ANKFN1: variants seen among roughly 807,000 people sequenced by gnomAD.
ANKFN1 encodes ankyrin repeat and fibronectin type III domain containing 1, also known as ankyrin repeat and fibronectin type-III domain-containing protein 1.
ANKFN1 carries 74 observed loss-of-function variants against 108.7 expected under a neutral mutation model. That is an observed-to-expected ratio of 0.68 (90% confidence interval 0.56 to 0.83). The LOEUF is 0.83. Ranked by LOEUF, ANKFN1 falls within the 40% of genes least tolerant of loss-of-function variation. The pLI is 0.00. For missense variants in ANKFN1, 1,505 were observed against 1,382.3 expected (o/e 1.09, Z -1.41); for synonymous variants, 547 against 516.2 (o/e 1.06, Z -0.81).
chr17:56,290,399 T>C (rs1567889420), intron 3 of ANKFN1, among the ~76,000 whole-genome samples: 1 of 152,308 alleles, frequency 6.6e-6, no homozygotes, highest in East Asian at 1.9e-4. Context: ...TACAAGAAAA[T>C]AGAATTGTAA....
chr17:56,318,589 G>GT (rs2045274805), intron 3 of ANKFN1, among the ~76,000 whole-genome samples: 1 of 152,174 alleles, frequency 6.6e-6, no homozygotes, highest in Non-Finnish European at 1.5e-5. Context: ...AAGTTAGGCT[G>GT]TGCTGAGAGT....
At chr17:56,443,818 T>C (rs1008693563) in intron 10 of ANKFN1, among the ~76,000 whole-genome samples, 1 of 152,226 alleles carries the variant, frequency 6.6e-6, no homozygotes, top group Non-Finnish European at 1.5e-5. Flanking sequence ...GATTTTTCTA[T>C]GTAATGAGCC....
intron 3 of ANKFN1, among the ~76,000 whole-genome samples, chr17:56,265,912 C>A (rs2043636570): frequency 2.0e-5 from 3 of 152,018 alleles, no homozygotes; most frequent in Admixed American, 2.0e-4. Context: ...AGATGCAGAA[C>A]CTGTAGATAT....
At chr17:56,449,270 C>T (rs879806714) in intron 11 of ANKFN1, 84 bp downstream of exon 11, 2 of 936,380 alleles carry the variant, frequency 2.1e-6, no homozygotes, top group East Asian at 2.5e-5. Context: ...TGGGTCATAC[C>T]TTCTCATTCA....
chr17:56,227,806 G>A (rs942211271), intron 2 of ANKFN1, 111 bp from the exon 3 acceptor site: 12 of 827,486 alleles, frequency 1.5e-5, no homozygotes, highest in Non-Finnish European at 2.3e-5. Context: ...TGTAGGCTAG[G>A]CTTCTCTCTC....
chr17:56,062,080 AGTGTGGCCTGAGAGACT>A (rs1904984301), intron 4 of ANKFN1, among the ~76,000 whole-genome samples: 1 of 152,216 alleles, frequency 6.6e-6, no homozygotes, highest in Non-Finnish European at 1.5e-5. Flanking sequence ...ATTTGATTGC[AGTGTGGCCTGAGAGACT>A]GTTTGTTATG....
intron 8 of ANKFN1, among the ~76,000 whole-genome samples, chr17:56,384,129 C>G (rs2047188930): frequency 6.6e-6 from 1 of 152,100 alleles, no homozygotes; most frequent in Non-Finnish European, 1.5e-5. Flanking sequence ...GCTTATCCAC[C>G]ATGATCAAGT....
chr17:56,477,394 T>A, intron 15 of ANKFN1, 94 bp from the exon 16 acceptor site: 1 of 1,271,238 alleles, frequency 7.9e-7, no homozygotes, highest in East Asian at 2.7e-5. Flanking sequence ...CTCCTTTCAT[T>A]CATGACAAGC....
intron 4 of ANKFN1, among the ~76,000 whole-genome samples, chr17:56,067,515 C>T (rs1905074960): frequency 6.6e-6 from 1 of 152,154 alleles, no homozygotes; most frequent in South Asian, 2.1e-4. Flanking sequence ...CCTTCCCCTT[C>T]CCTAAGACCT....
intron 14 of ANKFN1, among the ~76,000 whole-genome samples, chr17:56,460,266 A>G (rs2049855534): frequency 6.6e-6 from 1 of 152,116 alleles, no homozygotes; most frequent in African/African-American, 2.4e-5. Flanking sequence ...CCAGCTGAGC[A>G]ACATGGCAAA....
At chr17:56,109,009 T>G (rs1013019209) in intron 4 of ANKFN1, among the ~76,000 whole-genome samples, 2 of 152,210 alleles carry the variant, frequency 1.3e-5, no homozygotes, top group Admixed American at 6.5e-5. Flanking sequence ...ATAGAGTGGT[T>G]AACACATAGG....
At chr17:56,355,280 G>A (rs1290540310) in intron 6 of ANKFN1, among the ~76,000 whole-genome samples, 2 of 152,192 alleles carry the variant, frequency 1.3e-5, no homozygotes. Context: ...GGCAAGAAAA[G>A]CCTCTCTGAT....
upstream of ANKFN1, chr17:56,153,469 C>A (rs368706100): frequency 6.2e-6 from 10 of 1,613,296 alleles, no homozygotes; most frequent in Admixed American, 1.7e-5. Context: ...CTCCACCCCC[C>A]AGGTCCTCTT....
intron 4 of ANKFN1, among the ~76,000 whole-genome samples, chr17:56,068,763 A>C (rs1043981655): frequency 1.3e-5 from 2 of 152,196 alleles, no homozygotes; most frequent in African/African-American, 2.4e-5. Flanking sequence ...TGAGACAATG[A>C]GTTCTTTGAA....
At chr17:56,196,551 T>A (rs1000186128) in intron 1 of ANKFN1, among the ~76,000 whole-genome samples, 5 of 151,898 alleles carry the variant, frequency 3.3e-5, no homozygotes, top group African/African-American at 7.3e-5. Flanking sequence ...CTGGGAAACA[T>A]AATGAGACCC....
intron 3 of ANKFN1, among the ~76,000 whole-genome samples, chr17:56,260,244 A>T (rs2043472868): frequency 6.6e-6 from 1 of 152,222 alleles, no homozygotes; most frequent in Admixed American, 6.5e-5. Context: ...GCTTGTTCAA[A>T]ACAACATTTT....
intron 1 of ANKFN1, among the ~76,000 whole-genome samples, chr17:56,163,571 C>T (rs1178978970): frequency 5.3e-5 from 8 of 152,168 alleles, no homozygotes; most frequent in Admixed American, 5.2e-4. Flanking sequence ...ACCTATGTTT[C>T]CTTGGAAAGA....
At chr17:56,429,868 G>A (rs1339942509) in intron 8 of ANKFN1, among the ~76,000 whole-genome samples, 2 of 152,170 alleles carry the variant, frequency 1.3e-5, no homozygotes, top group African/African-American at 4.8e-5. Context: ...AAATTAATAG[G>A]AGGCCAATTT....
At chr17:56,218,420 C>G (rs7212818) in intron 2 of ANKFN1, among the ~76,000 whole-genome samples, 5,477 of 152,122 alleles carry the variant, frequency 0.036, 337 homozygotes, top group African/African-American at 0.12. Context: ...AATGTTCAAC[C>G]CTTTACCTGG....
Sources: gnomAD v4.1 joint callset for allele counts (sites outside exome capture counted in the v4.1 genomes callset) on GRCh38, gnomAD v4.1.1 for gene constraint, MANE v1.5 for transcripts, NCBI Gene and HGNC (gene_info 2026-07-23, HGNC 2026-07-21) for gene names.